Variants in PARP4 observed in about 807,000 individuals in gnomAD.
The protein encoded by PARP4 is poly(ADP-ribose) polymerase family member 4.
PARP4 carries 120 observed loss-of-function variants against 187.7 expected under a neutral mutation model. That is an observed-to-expected ratio of 0.64 (90% CI 0.55 to 0.74). The LOEUF is 0.74. Among genes scored for constraint, PARP4 ranks in the 30% least tolerant of loss-of-function variants. The probability of loss-of-function intolerance (pLI) is 0.00; values close to 1 mark genes in which losing one functional copy is unlikely to be tolerated. For missense variants in PARP4, 1,836 were observed against 2,070.5 expected, an observed-to-expected ratio of 0.89 and a Z score of 2.20; for synonymous variants, 654 against 740.9, an observed-to-expected ratio of 0.88 and a Z score of 1.90.
At position 24,456,480 on chromosome 13, in the gene PARP4, T is replaced by C. The variant is rs1871858626; in HGVS notation, c.2425-2A>G. 4 of 1,586,256 alleles carry C rather than the reference T, an allele frequency of 2.5e-6. No individual in the cohort carries two copies. Among genetic ancestry groups the C allele is most frequent in the Non-Finnish European group, 3.5e-6 (4 of 1,159,016 alleles). The stretch of plus-strand genomic sequence containing the variant: ...AATGACAGCTTTGCAGTCTGTGCGC[T>C]GCAAAACAAACACCGCGACAACAAG... On this transcript the variant is annotated splice_acceptor_variant, in intron 20 of 33. Transcript: ENST00000381989. LOFTEE classifies it high-confidence loss of function.
chr13:24,431,547 G>A (rs1175702159), intron 31 of PARP4, 71 bp from the exon 32 acceptor site: 3 of 938,282 alleles, frequency 3.2e-6, no homozygotes, highest in Admixed American at 2.2e-5. Context: ...ACGTAGTGGG[G>A]GAAGGAGTGG....
rs888868483 is a variant in PARP4, at chr13:24,503,080, T to C, written c.132+565A>G. On this transcript the variant is annotated intron_variant, in intron 2 of 33. Coordinates refer to ENST00000381989, the MANE Select transcript of PARP4 (RefSeq NM_006437.4). The stretch of plus-strand genomic sequence containing the variant: ...AAAGAGGAGGTTAAACTGAATTATT[T>C]CTAAGATTTCATCCAGCTGTAAAAT... 2.2e-4 allele frequency among the ~76,000 whole-genome samples: 34 copies of C among 152,250 alleles called. 1 individual carries two copies. Among genetic ancestry groups the C allele is most frequent in the Admixed American group, 1.4e-3 (21 of 15,286 alleles).
chr13:24,482,117 T>C (rs1303346947), intron 12 of PARP4, among the ~76,000 whole-genome samples: 1 of 152,218 alleles, frequency 6.6e-6, no homozygotes, highest in East Asian at 1.9e-4. Context: ...ACTGTAGATG[T>C]GGCAGAAGCA....
Position 24,435,461 on chromosome 13 carries a change from G to C in PARP4, c.3680C>G (p.Ser1227Cys). The stretch of plus-strand genomic sequence containing the variant: ...TAAACGTAATTCTGGCCACTCAGAG[G>C]ATGCTAAAAGAGACTGCCCAGAAGA... ...EAVRNQSLLASSEWPELRLSK... is the reference protein window; with the variant it reads ...EAVRNQSLLACSEWPELRLSK... The change falls in exon 31 of 34, where the codon TCC becomes TGC. Residue 1227 changes from serine (S) to cysteine (C), a missense_variant. Ser to Cys is a moderately radical substitution (Grantham distance 112). Coordinates refer to ENST00000381989, the MANE Select transcript of PARP4 (RefSeq NM_006437.4). 1 of 1,589,642 alleles carries C rather than the reference G, an allele frequency of 6.3e-7. No individual in the cohort carries two copies.
chr13:24,434,207 A>G (rs749016778), intron 31 of PARP4, among the ~76,000 whole-genome samples, 188 bp downstream of exon 31: 3 of 152,208 alleles, frequency 2.0e-5, no homozygotes, highest in Non-Finnish European at 4.4e-5. Flanking sequence ...TGTTTTGTTC[A>G]GCTGTCTGTT....
At chr13:24,433,664 C>T (rs571032783) in intron 31 of PARP4, among the ~76,000 whole-genome samples, 31 of 152,196 alleles carry the variant, frequency 2.0e-4, no homozygotes, top group African/African-American at 7.2e-4. Flanking sequence ...CTGTTTAAAT[C>T]TCAAACCCAC....
At chr13:24,498,601 T>C (rs993628856) in intron 5 of PARP4, among the ~76,000 whole-genome samples, 3 of 152,156 alleles carry the variant, frequency 2.0e-5, no homozygotes, top group African/African-American at 4.8e-5. Flanking sequence ...TATATCTATA[T>C]ATATATTTTA....
intron 26 of PARP4, 108 bp downstream of exon 26, chr13:24,446,908 C>T (rs1871237685): frequency 6.9e-7 from 1 of 1,440,644 alleles, no homozygotes; most frequent in Non-Finnish European, 9.4e-7. Flanking sequence ...CAGCTGTGTT[C>T]CCAGAAGAAG....
chr13:24,473,592 T>C (rs929684053), intron 15 of PARP4, among the ~76,000 whole-genome samples: 3 of 152,048 alleles, frequency 2.0e-5, no homozygotes. Flanking sequence ...CTCCCACACA[T>C]GCTGTTGTTT....
intron 17 of PARP4, among the ~76,000 whole-genome samples, chr13:24,468,024 T>C (rs1872558973): frequency 6.6e-6 from 1 of 152,188 alleles, no homozygotes; most frequent in Admixed American, 6.5e-5. Context: ...TAATCTTGAA[T>C]GTGCCCCTAG....
At chr13:24,430,315 A>T (rs531780439) in intron 32 of PARP4, among the ~76,000 whole-genome samples, 36 of 152,210 alleles carry the variant, frequency 2.4e-4, no homozygotes, top group Non-Finnish European at 3.8e-4. Flanking sequence ...CTATCTATCC[A>T]TGAATATTGG....
intron 16 of PARP4, among the ~76,000 whole-genome samples, 192 bp from the exon 17 acceptor site, chr13:24,469,302 A>G (rs868788389): frequency 6.6e-6 from 1 of 152,234 alleles, no homozygotes. Flanking sequence ...AAGGCCAACT[A>G]AAGAGAAGTC....
At chr13:24,451,548 G>T (rs1439431484) in intron 24 of PARP4, among the ~76,000 whole-genome samples, 1 of 152,126 alleles carries the variant, frequency 6.6e-6, no homozygotes, top group African/African-American at 2.4e-5. Context: ...CTGGAGCTCA[G>T]GGCGAGTCCA....
chr13:24,431,062 C>T (rs1161245026), intron 32 of PARP4, among the ~76,000 whole-genome samples: 1 of 152,192 alleles, frequency 6.6e-6, no homozygotes, highest in African/African-American at 2.4e-5. Flanking sequence ...AACTTTCTTC[C>T]TGACCAATAC....
At position 24,481,436 on chromosome 13, in the gene PARP4, T is replaced by C. The variant is rs928923213; in HGVS notation, c.1449-3160A>G. On this transcript the variant is annotated intron_variant, in intron 12 of 33. Transcript: ENST00000381989. ...GGCTGGGCGTGGTGGCTCATGCCTA[T>C]AATCCCAGCACTTTGGGAGGCCAAG... Among the ~76,000 whole-genome samples the C allele has an allele frequency of 8.3e-4, 126 of 152,226 alleles. 3 individuals are homozygous for C. Among genetic ancestry groups the C allele is most frequent in the Non-Finnish European group, 8.7e-4 (59 of 68,044 alleles).
At chr13:24,426,389 C>G in intron 33 of PARP4, 77 bp downstream of exon 33, 1 of 1,159,324 alleles carries the variant, frequency 8.6e-7, no homozygotes, top group South Asian at 1.4e-5. Flanking sequence ...AGATAATTCC[C>G]TATAGCTGTT....
At chr13:24,510,618 A>G (rs1869965264) in intron 1 of PARP4, among the ~76,000 whole-genome samples, 1 of 151,342 alleles carries the variant, frequency 6.6e-6, no homozygotes, top group South Asian at 2.1e-4. Flanking sequence ...TTGTACATAT[A>G]TTTTTTTGCC....
intron 30 of PARP4, among the ~76,000 whole-genome samples, chr13:24,439,684 G>A (rs1454790005): frequency 3.3e-5 from 5 of 152,146 alleles, no homozygotes; most frequent in African/African-American, 1.2e-4. Context: ...GTGCCCTTTT[G>A]AAGCACATAT....
chr13:24,427,359 A>T (rs1331543278), intron 32 of PARP4, among the ~76,000 whole-genome samples: 1 of 144,730 alleles, frequency 6.9e-6, no homozygotes, highest in Non-Finnish European at 1.5e-5. Context: ...TCATTTTAAA[A>T]ATCCAAGCTT....
Sources: gnomAD v4.1 joint callset for allele counts (sites outside exome capture counted in the v4.1 genomes callset) on GRCh38, gnomAD v4.1.1 for gene constraint, MANE v1.5 for transcripts, NCBI Gene and HGNC (gene_info 2026-07-23, HGNC 2026-07-21) for gene names.